Variants in NCS1 observed in about 807,000 individuals in gnomAD.
The protein encoded by NCS1 is neuronal calcium sensor 1.
NCS1 carries 6 observed loss-of-function variants against 28.4 expected under a neutral mutation model. That is an observed-to-expected ratio of 0.21 (90% CI 0.12 to 0.42). The LOEUF is 0.42. Among genes scored for constraint, NCS1 ranks in the 10% least tolerant of loss-of-function variants. The pLI is 1.00. For missense variants in NCS1, 131 were observed against 241.4 expected, an observed-to-expected ratio of 0.54 and a Z score of 3.03; for synonymous variants, 86 against 99.3, an observed-to-expected ratio of 0.87 and a Z score of 0.79.
intron 7 of NCS1, among the ~76,000 whole-genome samples, chr9:130,231,716 C>T (rs1303154965): frequency 6.6e-6 from 1 of 151,862 alleles, no homozygotes; most frequent in East Asian, 1.9e-4. Flanking sequence ...TGGGTATATA[C>T]CTAGGAGTGG....
rs1832585363 is a variant in NCS1 at position 130,177,244 on chromosome 9, A to G, written c.64+4517A>G. Among the ~76,000 whole-genome samples, 1 of 152,100 alleles carries G rather than the reference A, an allele frequency of 6.6e-6. No individual in the cohort carries two copies. The highest frequency in any genetic ancestry group is 6.5e-5 in the Admixed American group (1 of 15,274). On this transcript the variant is annotated intron_variant, in intron 1 of 7. Coordinates refer to ENST00000372398, the MANE Select transcript of NCS1 (RefSeq NM_014286.4). The surrounding 1 kb of genome is among the most constrained non-coding windows in gnomAD (Gnocchi z 4.4). ...GGTTCTTGGGTGTCTCTGGTTGTGG[A>G]CTGTCCTGGGGCCCATGAGGGCCCC...
chr9:130,209,599 C>T lies in NCS1; in HGVS notation c.90-8233C>T, dbSNP rs1407138040. On this transcript the variant is annotated intron_variant, in intron 2 of 7. Coordinates refer to ENST00000372398, the MANE Select transcript of NCS1 (RefSeq NM_014286.4). The surrounding 1 kb of genome is among the most constrained non-coding windows in gnomAD (Gnocchi z 4.4). ...GAGGTGCTTGGAGTCTCCTGGTGGACGAGGGCATTCACCCAGCCTGGCGCC... is the reference window on the plus strand; with the variant it reads ...GAGGTGCTTGGAGTCTCCTGGTGGATGAGGGCATTCACCCAGCCTGGCGCC... Among the ~76,000 whole-genome samples the T allele has an allele frequency of 1.3e-5, 2 of 152,118 alleles. No individual in the cohort carries two copies. Among genetic ancestry groups the T allele is most frequent in the African/African-American group, 2.4e-5 (1 of 41,408 alleles).
Position 130,186,069 on chromosome 9 carries a change from G to C in NCS1, c.64+13342G>C, listed in dbSNP as rs1832734647. Among the ~76,000 whole-genome samples the C allele has an allele frequency of 1.3e-5, 2 of 152,210 alleles. No homozygotes were observed. Among genetic ancestry groups the C allele is most frequent in the African/African-American group, 2.4e-5 (1 of 41,460 alleles). On this transcript the variant is annotated intron_variant, in intron 1 of 7. Coordinates refer to ENST00000372398, the MANE Select transcript of NCS1 (RefSeq NM_014286.4). The surrounding 1 kb of genome is among the most constrained non-coding windows in gnomAD (Gnocchi z 4.1). ...ATGGCCAGCAGGGAGCAGAGGGGAGGCCCTGGGTCCTGTGGGGGGCATGTG... is the reference window on the plus strand; with the variant it reads ...ATGGCCAGCAGGGAGCAGAGGGGAGCCCCTGGGTCCTGTGGGGGGCATGTG...
Position 130,202,610 on chromosome 9 carries a change from C to T in NCS1, c.89+1628C>T, listed in dbSNP as rs187308032. Among the ~76,000 whole-genome samples the T allele has an allele frequency of 1.9e-3, 281 of 148,580 alleles. 1 individual carries two copies. Among genetic ancestry groups the T allele is most frequent in the African/African-American group, 6.8e-3 (272 of 40,122 alleles). On this transcript the variant is annotated intron_variant, in intron 2 of 7. Transcript: ENST00000372398. ...TTTTTTTTTTTGAGTTGGAGTCTCTCGCTCTGCCACCCAGGCTAGAGTGCA... is the reference window on the plus strand; with the variant it reads ...TTTTTTTTTTTGAGTTGGAGTCTCTTGCTCTGCCACCCAGGCTAGAGTGCA...
At chr9:130,211,091 G>C (rs1554908746) in intron 2 of NCS1, among the ~76,000 whole-genome samples, 2 of 146,502 alleles carry the variant, frequency 1.4e-5, no homozygotes, top group Non-Finnish European at 3.0e-5. Context: ...GGGCTCAGGT[G>C]ATCCTCCTGC....
chr9:130,179,928 G>C (rs1832629892), intron 1 of NCS1, among the ~76,000 whole-genome samples: 3 of 152,138 alleles, frequency 2.0e-5, no homozygotes, highest in African/African-American at 7.2e-5. Flanking sequence ...GTTCCTGTCA[G>C]GGCACCTCCC....
rs554369204 is a variant in NCS1 at position 130,191,525 on chromosome 9, G to A, written c.65-9433G>A. On this transcript the variant is annotated intron_variant, in intron 1 of 7. Transcript: ENST00000372398. This position sits in a 1 kb window ranked among gnomAD's most constrained non-coding sequence, Gnocchi z 6.4. ...CCGTGGGGATGTAAGGAAGGGAAGT[G>A]GGGGCCGGTAGGGGGTGGTCAGAGC... Among the ~76,000 whole-genome samples the A allele has an allele frequency of 2.0e-5, 3 of 152,332 alleles. No homozygotes were observed. The highest frequency in any genetic ancestry group is 4.4e-5 in the Non-Finnish European group (3 of 68,030).
At chr9:130,199,878 C>G (rs891683045) in intron 1 of NCS1, among the ~76,000 whole-genome samples, 2 of 145,528 alleles carry the variant, frequency 1.4e-5, no homozygotes, top group Non-Finnish European at 3.0e-5. Context: ...CCTGACACCC[C>G]TTTCCTGTCT....
chr9:130,222,161 CAGAG>C (rs1441276596), intron 4 of NCS1, among the ~76,000 whole-genome samples: 2 of 138,628 alleles, frequency 1.4e-5, no homozygotes, highest in Non-Finnish European at 3.0e-5. Context: ...TATGTATATA[CAGAG>C]AGAGAGAGGG....
chr9:130,189,652 G>A (rs1832787607), intron 1 of NCS1, among the ~76,000 whole-genome samples: 1 of 151,862 alleles, frequency 6.6e-6, no homozygotes, highest in Non-Finnish European at 1.5e-5. Flanking sequence ...GACCAGTCTA[G>A]TCAACATGGT....
At chr9:130,214,942 G>A (rs550963018) in intron 2 of NCS1, among the ~76,000 whole-genome samples, 19 of 152,230 alleles carry the variant, frequency 1.2e-4, no homozygotes, top group Non-Finnish European at 2.5e-4. Flanking sequence ...GCCTTTCACA[G>A]CTGCTCACTG....
At chr9:130,188,294 C>T (rs1832766546) in intron 1 of NCS1, among the ~76,000 whole-genome samples, 1 of 152,242 alleles carries the variant, frequency 6.6e-6, no homozygotes, top group Non-Finnish European at 1.5e-5. Flanking sequence ...TGCAGCCTCT[C>T]CTGGAAAGCT....
At position 130,222,128 on chromosome 9, in the gene NCS1, G is replaced by GTA. The variant is rs556906501; in HGVS notation, c.308-511_308-510dup. Among the ~76,000 whole-genome samples, 1,262 of 134,216 alleles carry GTA rather than the reference G, an allele frequency of 9.4e-3. 61 individuals are homozygous for GTA. Among genetic ancestry groups the GTA allele is most frequent in the African/African-American group, 0.024 (848 of 34,784 alleles). 88.1% of individuals were successfully genotyped at this position (134,216 alleles called of 152,430 possible). A position where few individuals can be genotyped will look rare whatever the true frequency, so the allele number is the denominator to read the frequency against. On this transcript the variant is annotated intron_variant, in intron 4 of 7. Transcript: ENST00000372398. ...TATATATATACGTATATATATATGT[G>GTA]TATATATATATACGTATATATATAT...
At position 130,209,302 on chromosome 9, in the gene NCS1, C is replaced by T. The variant is rs1408462144; in HGVS notation, c.89+8320C>T. 6.6e-6 allele frequency among the ~76,000 whole-genome samples: 1 copy of T among 152,152 alleles called. No homozygotes were observed. The highest frequency in any genetic ancestry group is 1.5e-5 in the Non-Finnish European group (1 of 68,034). On this transcript the variant is annotated intron_variant, in intron 2 of 7. Transcript: ENST00000372398. The surrounding 1 kb of genome is among the most constrained non-coding windows in gnomAD (Gnocchi z 4.4). ...GCAGGGCTGGCCTCCCAGCAGGATCCCAGAGGACATGAGTCTGCAGGAACT... is the reference window on the plus strand; with the variant it reads ...GCAGGGCTGGCCTCCCAGCAGGATCTCAGAGGACATGAGTCTGCAGGAACT...
rs547436049 is a variant in NCS1 at position 130,219,623 on chromosome 9, A to T, written c.229-102A>T. The T allele has an allele frequency of 1.3e-5, 13 of 1,037,892 alleles. No homozygotes were observed. In the African/African-American group the frequency reaches 1.6e-4, roughly 13 times the overall value. The allele number at this position is 1,037,892 out of a possible 1,614,324, so 64.3% of individuals were successfully genotyped here. A position where few individuals can be genotyped will look rare whatever the true frequency, so the allele number is the denominator to read the frequency against. The stretch of plus-strand genomic sequence containing the variant: ...CTCCACCTGAGTGTCCATTGGCCAC[A>T]GTGTCTGGAGCCTGCGACTGCCCCT... On this transcript the variant is annotated intron_variant, in intron 3 of 7. Coordinates refer to ENST00000372398, the MANE Select transcript of NCS1 (RefSeq NM_014286.4). The surrounding 1 kb of genome is among the most constrained non-coding windows in gnomAD (Gnocchi z 5.7).
chr9:130,173,968 G>A (rs111623373), intron 1 of NCS1, among the ~76,000 whole-genome samples: 4 of 152,212 alleles, frequency 2.6e-5, no homozygotes, highest in African/African-American at 9.6e-5. Flanking sequence ...GCTGCGAGGT[G>A]CTGGCCCTTC....
At chr9:130,195,604 A>G (rs1832867928) in intron 1 of NCS1, among the ~76,000 whole-genome samples, 1 of 152,132 alleles carries the variant, frequency 6.6e-6, no homozygotes, top group East Asian at 1.9e-4. Flanking sequence ...TTGTATTTTT[A>G]GTAGAGACAG....
At position 130,181,852 on chromosome 9, in the gene NCS1, G is replaced by A. The variant is rs1403850325; in HGVS notation, c.64+9125G>A. Among the ~76,000 whole-genome samples the A allele has an allele frequency of 5.3e-5, 8 of 152,068 alleles. No homozygotes were observed. Among genetic ancestry groups the A allele is most frequent in the African/African-American group, 1.7e-4 (7 of 41,396 alleles). On this transcript the variant is annotated intron_variant, in intron 1 of 7. Transcript: ENST00000372398. This position sits in a 1 kb window ranked among gnomAD's most constrained non-coding sequence, Gnocchi z 5.0. ...GGCGTGTGTCAGGAGTGGGTGAGCC[G>A]GGCACTCCTGTGCGCACGCGTGTGG...
At chr9:130,222,583 G>A in intron 4 of NCS1, 67 bp from the exon 5 acceptor site, 1 of 1,335,562 alleles carries the variant, frequency 7.5e-7, no homozygotes, top group East Asian at 2.3e-5. Flanking sequence ...CAGAGAGGAG[G>A]GGCGAGTTGA....
Sources: gnomAD v4.1 joint callset for allele counts (sites outside exome capture counted in the v4.1 genomes callset) on GRCh38, gnomAD v4.1.1 for gene constraint, Gnocchi (gnomAD v3.1) non-coding constraint, MANE v1.5 for transcripts, NCBI Gene and HGNC (gene_info 2026-07-23, HGNC 2026-07-21) for gene names.